CAST: variants seen among roughly 807,000 people sequenced by gnomAD.
CAST encodes calpastatin, also known as MIR583 host.
In CAST, 76 loss-of-function variants were observed where a neutral mutation model predicts 119.6. The observed-to-expected ratio is 0.64, with a 90% CI of 0.53 to 0.77. The LOEUF (loss-of-function observed/expected upper bound fraction) is 0.77. CAST is among the 30% of genes least tolerant of loss of function. The pLI, the probability that CAST is intolerant of heterozygous loss-of-function variation, is 0.00. For synonymous variants in CAST, 319 were observed against 331.6 expected (o/e 0.96, Z 0.41); for missense variants, 953 against 946.5 (o/e 1.01, Z -0.09).
chr5:96,338,586 G>A, the CAST span, among the ~76,000 whole-genome samples: 2 of 152,180 alleles, frequency 1.3e-5, no homozygotes, highest in Non-Finnish European at 2.9e-5. Context: ...CTGAGATTTA[G>A]TCTAAAGAGA....
the CAST span, among the ~76,000 whole-genome samples, chr5:96,044,266 G>A: frequency 6.6e-6 from 1 of 152,180 alleles, no homozygotes; most frequent in Non-Finnish European, 1.5e-5. Context: ...GGTATTAGAA[G>A]GTTGTGACTT....
At chr5:96,046,755 A>G in the CAST span, among the ~76,000 whole-genome samples, 2 of 152,244 alleles carry the variant, frequency 1.3e-5, no homozygotes, top group Non-Finnish European at 2.9e-5. Context: ...AAGAGGTTTA[A>G]TTGGACTTAC....
At chr5:96,471,275 T>C in the CAST span, among the ~76,000 whole-genome samples, 75,987 of 151,926 alleles carry the variant, frequency 0.5, 19,920 homozygotes, top group African/African-American at 0.66. Context: ...AGCCATACCT[T>C]ACCATAAACC....
the CAST span, chr5:95,961,933 T>C: frequency 1.6e-6 from 1 of 619,364 alleles, no homozygotes; most frequent in Non-Finnish European, 2.6e-6. Flanking sequence ...CTCGTCTCAT[T>C]GGTCTTGTTC....
At chr5:96,280,855 C>T in the CAST span, among the ~76,000 whole-genome samples, 6 of 152,080 alleles carry the variant, frequency 3.9e-5, no homozygotes, top group South Asian at 2.1e-4. Flanking sequence ...CTGGTCTCTG[C>T]GATTCCATTC....
At chr5:96,764,668 G>A (rs767539557) in intron 25 of CAST, among the ~76,000 whole-genome samples, 4 of 152,068 alleles carry the variant, frequency 2.6e-5, no homozygotes, top group East Asian at 1.9e-4. Context: ...CACAAACTGC[G>A]GGTCACGCTG....
the CAST span, among the ~76,000 whole-genome samples, chr5:96,329,337 A>G: frequency 6.6e-6 from 1 of 152,240 alleles, no homozygotes; most frequent in Non-Finnish European, 1.5e-5. Flanking sequence ...ACTCAACCAC[A>G]AAGCTTTCTC....
upstream of CAST, among the ~76,000 whole-genome samples, chr5:96,522,470 G>A (rs1202535767): frequency 2.0e-5 from 3 of 152,030 alleles, no homozygotes; most frequent in African/African-American, 7.2e-5. Context: ...GTTTTAGGAC[G>A]CTGTAGCCTA....
At chr5:96,769,255 A>G (rs753445349) in intron 29 of CAST, 1 of 152,076 alleles carries the variant, frequency 6.6e-6, no homozygotes, top group African/African-American at 2.4e-5. Context: ...TCAGCATCCT[A>G]TCTCTCACCC....
At chr5:96,718,607 G>T (rs1757617389) in intron 3 of CAST, among the ~76,000 whole-genome samples, 1 of 152,002 alleles carries the variant, frequency 6.6e-6, no homozygotes, top group Non-Finnish European at 1.5e-5. Flanking sequence ...AAGAAAACAA[G>T]TTAGAGGTAT....
chr5:96,545,928 C>G (rs1417501770), intron 1 of CAST, among the ~76,000 whole-genome samples: 2 of 152,222 alleles, frequency 1.3e-5, no homozygotes, highest in Non-Finnish European at 2.9e-5. Context: ...CTTCCCTAGA[C>G]TTCTTTGTCA....
chr5:96,404,269 T>A, the CAST span, among the ~76,000 whole-genome samples: 1 of 152,182 alleles, frequency 6.6e-6, no homozygotes, highest in Non-Finnish European at 1.5e-5. Context: ...ATTACTAGCA[T>A]TAAAAAGTGC....
At chr5:95,983,738 ACTT>A in the CAST span, among the ~76,000 whole-genome samples, 2 of 152,206 alleles carry the variant, frequency 1.3e-5, no homozygotes, top group African/African-American at 4.8e-5. Context: ...TTAGAATAAT[ACTT>A]CAACAGTGGT....
the CAST span, among the ~76,000 whole-genome samples, chr5:96,419,973 C>T: frequency 1.3e-5 from 2 of 152,102 alleles, no homozygotes; most frequent in Admixed American, 1.3e-4. Flanking sequence ...TGGGGCCAGA[C>T]CCAGGATCTG....
chr5:96,602,742 A>C (rs2150194367), intron 1 of CAST, among the ~76,000 whole-genome samples: 1 of 152,314 alleles, frequency 6.6e-6, no homozygotes, highest in East Asian at 1.9e-4. Flanking sequence ...AGAGTGAAAC[A>C]CTGTCTCAAA....
At chr5:96,176,062 A>G in the CAST span, among the ~76,000 whole-genome samples, 1 of 152,198 alleles carries the variant, frequency 6.6e-6, no homozygotes, top group African/African-American at 2.4e-5. Context: ...GAGGCTAGGT[A>G]AGGCTTTCTG....
chr5:96,255,670 A>C, the CAST span, among the ~76,000 whole-genome samples: 2 of 152,128 alleles, frequency 1.3e-5, no homozygotes, highest in African/African-American at 4.8e-5. Flanking sequence ...AGTCTGAAAA[A>C]TTTTGGAACC....
At chr5:96,496,379 A>G in the CAST span, among the ~76,000 whole-genome samples, 1 of 152,224 alleles carries the variant, frequency 6.6e-6, no homozygotes, top group African/African-American at 2.4e-5. Context: ...TAAGGAAATT[A>G]GCTTTCTGGC....
At chr5:96,382,318 A>G in the CAST span, among the ~76,000 whole-genome samples, 2 of 152,136 alleles carry the variant, frequency 1.3e-5, no homozygotes, top group African/African-American at 2.4e-5. Context: ...TGTTTGTGCT[A>G]CTACTGTATT....
Sources: allele counts gnomAD v4.1 joint callset (sites outside exome capture counted in the v4.1 genomes callset), GRCh38; gene constraint gnomAD v4.1.1; transcripts MANE v1.5; gene names NCBI Gene and HGNC (gene_info 2026-07-23, HGNC 2026-07-21).